The following ALDH1A2 variants were observed in gnomAD, a reference collection of about 807,000 sequenced individuals.
ALDH1A2 encodes aldehyde dehydrogenase 1 family member A2.
In ALDH1A2, 27 loss-of-function variants were observed where a neutral mutation model predicts 60.3. The ratio of observed to expected loss-of-function variants is 0.45; its 90% CI spans 0.33 to 0.62. The LOEUF (loss-of-function observed/expected upper bound fraction) is 0.62. Ranked by LOEUF, ALDH1A2 falls within the 20% of genes least tolerant of loss-of-function variation. The pLI, the probability that ALDH1A2 is intolerant of heterozygous loss-of-function variation, is 0.02. For missense variants in ALDH1A2, 581 were observed against 643.8 expected (o/e 0.90, Z 1.06); for synonymous variants, 289 against 232.4 (o/e 1.24, Z -2.21).
chr15:57,965,858 C>G, intron 7 of ALDH1A2, 31 bp from the exon 8 acceptor site: 1 of 1,573,774 alleles, frequency 6.4e-7, no homozygotes, highest in Non-Finnish European at 8.7e-7. Context: ...ACAGGTTTTG[C>G]AAATCCTGCA....
intron 7 of ALDH1A2, among the ~76,000 whole-genome samples, chr15:57,972,854 T>C (rs766188743): frequency 1.3e-5 from 2 of 152,158 alleles, no homozygotes; most frequent in East Asian, 1.9e-4. Flanking sequence ...ATTAGCTGTT[T>C]ATAGCTAAAA....
rs61999909 is a variant in ALDH1A2, at chr15:58,021,364, A to G, written c.118-7083T>C. ...CAACAAAGAAGGGACAGGAAGCACC[A>G]AAAGTAAGAAAAGAGGTTGCCTCTT... is the stretch of plus-strand genomic sequence containing the variant. On this transcript the variant is annotated intron_variant, in intron 1 of 12. Coordinates refer to ENST00000249750, the MANE Select transcript of ALDH1A2 (RefSeq NM_003888.4). Among the ~76,000 whole-genome samples, 846 of 152,306 alleles carry G rather than the reference A, an allele frequency of 5.6e-3. 1 individual carries two copies. Among genetic ancestry groups the G allele is most frequent in the Non-Finnish European group, 9.0e-3 (611 of 68,014 alleles).
Position 58,010,701 on chromosome 15 carries a change from A to G in ALDH1A2, c.441T>C (p.Phe147=). The change falls in exon 4 of 13, where the codon TTT becomes TTC. Residue 147 remains phenylalanine (F), a synonymous_variant. Coordinates refer to ENST00000249750, the MANE Select transcript of ALDH1A2 (RefSeq NM_003888.4). ...TATCAGCCCAGCCTGCGTAATATCG[A>G]AAGGTTTTGATGACGCCCTGCAAAT... ...YVDLQGVIKT[F]RYYAGWADKI... The G allele has an allele frequency of 6.2e-7, 1 of 1,613,618 alleles. No individual in the cohort carries two copies. The highest frequency in any genetic ancestry group is 8.5e-7 in the Non-Finnish European group (1 of 1,179,600).
At chr15:58,008,080 C>A (rs961357438) in intron 4 of ALDH1A2, among the ~76,000 whole-genome samples, 2 of 152,016 alleles carry the variant, frequency 1.3e-5, no homozygotes, top group African/African-American at 4.8e-5. Flanking sequence ...AGGACAGCTG[C>A]CAAGTTAACC....
In ALDH1A2 at chr15:57,963,921, C is replaced by G. The variant is rs375413897; in HGVS notation, c.1050G>C (p.Gly350=). ...GCTCAGTGGTGGGGTCAAAGGGACTCCCCACTACGCGCCTCTTGGCCCGCT... is the reference window on the plus strand; with the variant it reads ...GCTCAGTGGTGGGGTCAAAGGGACTGCCCACTACGCGCCTCTTGGCCCGCT... ...SVERAKRRVV[G]SPFDPTTEQG... Residue 350 remains glycine, a synonymous_variant, in exon 9 of 13, where the codon GGG becomes GGC. Transcript: ENST00000249750. 1.2e-6 allele frequency: 2 copies of G among 1,614,022 alleles called. No individual in the cohort carries two copies. The highest frequency in any genetic ancestry group is 8.5e-7 in the Non-Finnish European group (1 of 1,180,014).
chr15:57,992,361 G>A (rs1264209852), intron 7 of ALDH1A2, among the ~76,000 whole-genome samples: 1 of 152,230 alleles, frequency 6.6e-6, no homozygotes, highest in African/African-American at 2.4e-5. Flanking sequence ...AGAAGGGAAA[G>A]CTTGTGTCTC....
chr15:58,008,048 T>C (rs1235050204), intron 4 of ALDH1A2, among the ~76,000 whole-genome samples: 3 of 152,052 alleles, frequency 2.0e-5, no homozygotes, highest in Non-Finnish European at 2.9e-5. Context: ...CAAGCCCAAA[T>C]GTATCTAAAA....
At chr15:57,974,633 C>G (rs932032814) in intron 7 of ALDH1A2, among the ~76,000 whole-genome samples, 1 of 151,860 alleles carries the variant, frequency 6.6e-6, no homozygotes, top group Non-Finnish European at 1.5e-5. Context: ...TGAAGTAGAT[C>G]ATAGGCCTAA....
At chr15:57,957,017 G>C (rs1226065606) in intron 12 of ALDH1A2, among the ~76,000 whole-genome samples, 1 of 152,204 alleles carries the variant, frequency 6.6e-6, no homozygotes, top group African/African-American at 2.4e-5. Flanking sequence ...TGGGTCCTGA[G>C]CAGTGATCTG....
At chr15:58,039,495 T>TC (rs1455686248) in intron 1 of ALDH1A2, among the ~76,000 whole-genome samples, 1 of 151,738 alleles carries the variant, frequency 6.6e-6, no homozygotes, top group African/African-American at 2.4e-5. Flanking sequence ...CCATTTACTA[T>TC]CCCCCTGGAA....
Position 57,973,044 on chromosome 15 carries a change from T to C in ALDH1A2, c.799-7217A>G, listed in dbSNP as rs1894123193. 7.2e-5 allele frequency among the ~76,000 whole-genome samples: 11 copies of C among 152,320 alleles called. No homozygotes were observed. The South Asian group carries it at 2.3e-3, about 32-fold the overall frequency. On this transcript the variant is annotated intron_variant, in intron 7 of 12. Transcript: ENST00000249750. ...ATTAGAATGAGTGATAATACAGCTG[T>C]TAGCTACAAACATTTGTTTGGCACG...
intron 1 of ALDH1A2, among the ~76,000 whole-genome samples, chr15:58,062,511 A>G (rs1897066401): frequency 1.3e-5 from 2 of 152,236 alleles, no homozygotes; most frequent in African/African-American, 4.8e-5. Context: ...ATACAAAATT[A>G]TAAAAGTCAG....
chr15:58,020,666 C>G (rs193069068), intron 1 of ALDH1A2, among the ~76,000 whole-genome samples: 3 of 152,292 alleles, frequency 2.0e-5, no homozygotes, highest in African/African-American at 4.8e-5. Flanking sequence ...GAGGTAACCA[C>G]TAACCTGTAT....
intron 1 of ALDH1A2, among the ~76,000 whole-genome samples, chr15:58,041,005 T>A (rs1313363369): frequency 6.6e-6 from 1 of 151,898 alleles, no homozygotes; most frequent in East Asian, 1.9e-4. Context: ...CAGTCCTAGA[T>A]ACTAGTATGT....
At chr15:58,057,784 T>C (rs577525816) in intron 1 of ALDH1A2, among the ~76,000 whole-genome samples, 5 of 152,278 alleles carry the variant, frequency 3.3e-5, no homozygotes, top group African/African-American at 1.2e-4. Context: ...CACACCTATA[T>C]ATCTTTCTCT....
chr15:58,018,284 A>G (rs866163717), intron 1 of ALDH1A2, among the ~76,000 whole-genome samples: 2 of 152,350 alleles, frequency 1.3e-5, no homozygotes, highest in Middle Eastern at 3.4e-3. Context: ...GTAATAGATT[A>G]TGACCCATAG....
chr15:57,961,049 C>T, intron 11 of ALDH1A2, 88 bp downstream of exon 11: 1 of 1,556,260 alleles, frequency 6.4e-7, no homozygotes, highest in Non-Finnish European at 8.8e-7. Context: ...TTTTGGTATT[C>T]CCCATCCTTC....
intron 4 of ALDH1A2, among the ~76,000 whole-genome samples, chr15:58,006,633 A>G (rs949640829): frequency 1.3e-5 from 2 of 151,684 alleles, no homozygotes; most frequent in East Asian, 3.9e-4. Context: ...ATTCCCAACC[A>G]GCAGTGTGTA....
At chr15:58,000,242 T>C (rs1173961131) in intron 4 of ALDH1A2, among the ~76,000 whole-genome samples, 3 of 151,874 alleles carry the variant, frequency 2.0e-5, no homozygotes, top group African/African-American at 7.2e-5. Flanking sequence ...TCACTTTGCA[T>C]TTTCACGTGG....
Sources: allele counts gnomAD v4.1 joint callset (sites outside exome capture counted in the v4.1 genomes callset), GRCh38; gene constraint gnomAD v4.1.1; transcripts MANE v1.5; gene names NCBI Gene and HGNC (gene_info 2026-07-23, HGNC 2026-07-21).